Variants in RAB27B observed in about 807,000 individuals in gnomAD.
The protein encoded by RAB27B is ras-related protein Rab-27B.
In RAB27B, 15 loss-of-function variants were observed where a neutral mutation model predicts 24.6. The ratio of observed to expected loss-of-function variants is 0.61; its 90% CI spans 0.41 to 0.94. RAB27B has a LOEUF of 0.94. Among genes scored for constraint, RAB27B ranks in the 40% least tolerant of loss-of-function variants. The pLI is 0.00. For missense variants in RAB27B, 261 were observed against 266.8 expected (o/e 0.98, Z 0.15); for synonymous variants, 105 against 92.5 (o/e 1.14, Z -0.78).
At chr18:54,758,691 AC>A (rs1203427369) in intron 2 of RAB27B, among the ~76,000 whole-genome samples, 1 of 151,852 alleles carries the variant, frequency 6.6e-6, no homozygotes, top group East Asian at 1.9e-4. Flanking sequence ...AGACTTTAAT[AC>A]CAAGTTTTGC....
chr18:54,884,559 G>A, intron 4 of RAB27B, 123 bp downstream of exon 4: 1 of 625,432 alleles, frequency 1.6e-6, no homozygotes, highest in Non-Finnish European at 2.8e-6. Context: ...CATGAGTTTA[G>A]TGTTGCCTGT....
At chr18:54,867,962 G>A (rs1426301885) in intron 1 of RAB27B, among the ~76,000 whole-genome samples, 1 of 152,156 alleles carries the variant, frequency 6.6e-6, no homozygotes, top group African/African-American at 2.4e-5. Flanking sequence ...TAGTGATATA[G>A]TTTGGAGATT....
chr18:54,852,640 C>T (rs1319486167), intron 1 of RAB27B, among the ~76,000 whole-genome samples: 3 of 152,148 alleles, frequency 2.0e-5, no homozygotes, highest in East Asian at 1.9e-4. Flanking sequence ...TGTTGGTTCA[C>T]ATGCCTTGGA....
intron 1 of RAB27B, among the ~76,000 whole-genome samples, chr18:54,875,688 A>C (rs1456375430): frequency 2.0e-5 from 3 of 152,198 alleles, no homozygotes; most frequent in African/African-American, 7.2e-5. Flanking sequence ...AAAAAGCATT[A>C]ATTCATGAAA....
In RAB27B at chr18:54,859,329, A is replaced by G. The variant is rs912938314; in HGVS notation, c.-19-18238A>G. 2.6e-5 allele frequency among the ~76,000 whole-genome samples: 4 copies of G among 152,246 alleles called. No homozygotes were observed. The South Asian group carries it at 8.3e-4, about 31-fold the overall frequency. On this transcript the variant is annotated intron_variant, in intron 1 of 5. Coordinates refer to ENST00000262094, the MANE Select transcript of RAB27B (RefSeq NM_004163.4). ...TGTGAATATGAGTAGTCAACAGGATATGTTTCCATATGAAGGTCCCTGTCC... is the reference window on the plus strand; with the variant it reads ...TGTGAATATGAGTAGTCAACAGGATGTGTTTCCATATGAAGGTCCCTGTCC...
intron 2 of RAB27B, among the ~76,000 whole-genome samples, chr18:54,778,405 C>A (rs1908783573): frequency 1.3e-5 from 2 of 152,194 alleles, no homozygotes; most frequent in Non-Finnish European, 2.9e-5. Flanking sequence ...GCATTCAAAT[C>A]TGCCTCTGAC....
chr18:54,826,788 C>T (rs1490346859), upstream of RAB27B, among the ~76,000 whole-genome samples: 1 of 152,180 alleles, frequency 6.6e-6, no homozygotes, highest in African/African-American at 2.4e-5. Context: ...TTTACTGCGA[C>T]TTTCTCAACC....
chr18:54,824,637 T>C (rs1036528067), upstream of RAB27B, among the ~76,000 whole-genome samples: 3 of 152,166 alleles, frequency 2.0e-5, no homozygotes, highest in Non-Finnish European at 4.4e-5. Context: ...GCGATGTACA[T>C]GACTTCTGCC....
rs140361298 is a variant in RAB27B, at chr18:54,776,778, G to A, written c.-20+58637G>A. 9.0e-4 allele frequency among the ~76,000 whole-genome samples: 137 copies of A among 152,312 alleles called. 4 individuals carry two copies. The East Asian group carries it at 0.025, about 28-fold the overall frequency. ...GGTTTGATGAATGAATAAATCTCGG[G>A]CCTGGCATGGTCAGGCATGCCCGTA... On this transcript the variant is annotated intron_variant, in intron 2 of 4. Coordinates refer to the RAB27B transcript ENST00000586570.
At chr18:54,782,988 C>T (rs1908962994) in intron 2 of RAB27B, among the ~76,000 whole-genome samples, 1 of 151,684 alleles carries the variant, frequency 6.6e-6, no homozygotes, top group Non-Finnish European at 1.5e-5. Flanking sequence ...GACAGAGTCT[C>T]ACTCTGTCAC....
intron 1 of RAB27B, among the ~76,000 whole-genome samples, chr18:54,836,844 C>A (rs751236027): frequency 1.3e-5 from 2 of 150,142 alleles, no homozygotes; most frequent in African/African-American, 5.1e-5. Context: ...CTTCAAGGAG[C>A]AAAATTTCTG....
chr18:54,786,801 A>C (rs1357885196), intron 2 of RAB27B, among the ~76,000 whole-genome samples: 1 of 152,370 alleles, frequency 6.6e-6, no homozygotes, highest in East Asian at 1.9e-4. Context: ...ATCAACTGCA[A>C]CTGAAAGAGG....
At chr18:54,731,724 A>G (rs897427755) in intron 2 of RAB27B, among the ~76,000 whole-genome samples, 1 of 152,178 alleles carries the variant, frequency 6.6e-6, no homozygotes, top group East Asian at 1.9e-4. Context: ...AAGTATACAT[A>G]CACATTCTTT....
At position 54,740,463 on chromosome 18, in the gene RAB27B, C is replaced by T. The variant is rs555333825; in HGVS notation, c.-20+22322C>T. Among the ~76,000 whole-genome samples the T allele has an allele frequency of 4.7e-4, 71 of 152,278 alleles. 2 individuals are homozygous for T. The South Asian group carries it at 0.013, about 28-fold the overall frequency. ...ATTTTTATTAAAGAGAGCAATCTAA[C>T]GTAACTCATCTGGATATTAGAACAA... is the stretch of plus-strand genomic sequence containing the variant. On this transcript the variant is annotated intron_variant, in intron 2 of 4. Transcript: ENST00000586570.
intron 2 of RAB27B, among the ~76,000 whole-genome samples, chr18:54,787,795 G>T (rs1431075851): frequency 6.6e-6 from 1 of 151,164 alleles, no homozygotes; most frequent in East Asian, 1.9e-4. Flanking sequence ...GGTTTATGAA[G>T]AATTTATGGC....
At chr18:54,852,957 C>T (rs538927832) in intron 1 of RAB27B, among the ~76,000 whole-genome samples, 18 of 152,132 alleles carry the variant, frequency 1.2e-4, no homozygotes, top group Non-Finnish European at 2.1e-4. Flanking sequence ...CAGCGGAGAA[C>T]GCAATATGAG....
chr18:54,842,889 G>A (rs1208234996), intron 1 of RAB27B, among the ~76,000 whole-genome samples: 1 of 152,048 alleles, frequency 6.6e-6, no homozygotes, highest in Non-Finnish European at 1.5e-5. Flanking sequence ...CTGCCTCCCG[G>A]GTTCATGCCA....
intron 2 of RAB27B, among the ~76,000 whole-genome samples, chr18:54,741,266 C>G (rs1471506183): frequency 6.6e-6 from 1 of 152,178 alleles, no homozygotes; most frequent in Non-Finnish European, 1.5e-5. Context: ...ATGTCACCCA[C>G]AGCCCTGTTC....
intron 2 of RAB27B, among the ~76,000 whole-genome samples, chr18:54,740,826 G>A (rs184745343): frequency 1.4e-4 from 22 of 152,296 alleles, no homozygotes; most frequent in Admixed American, 1.4e-3. Flanking sequence ...TAGATAGATA[G>A]ATAGATGATA....
Sources: gnomAD v4.1 joint callset for allele counts (sites outside exome capture counted in the v4.1 genomes callset) on GRCh38, gnomAD v4.1.1 for gene constraint, MANE v1.5 for transcripts, NCBI Gene and HGNC (gene_info 2026-07-23, HGNC 2026-07-21) for gene names.